TOGARAM1: variants seen among roughly 807,000 people sequenced by gnomAD.
TOGARAM1 encodes the protein TOG array regulator of axonemal microtubules protein 1.
A neutral mutation model predicts 166.6 loss-of-function variants in TOGARAM1; 100 were observed. The ratio of observed to expected loss-of-function variants is 0.60; its 90% CI spans 0.51 to 0.71. The LOEUF is 0.71. TOGARAM1 is among the 30% of genes least tolerant of loss of function. The pLI is 0.00. For missense variants in TOGARAM1, 2,029 were observed against 2,102.7 expected (o/e 0.96, Z 0.69); for synonymous variants, 758 against 763.8 (o/e 0.99, Z 0.13).
At chr14:44,970,942 A>G (rs1238271539) in intron 1 of TOGARAM1, among the ~76,000 whole-genome samples, 2 of 152,064 alleles carry the variant, frequency 1.3e-5, no homozygotes, top group African/African-American at 4.8e-5. Context: ...ATTTACTAAT[A>G]TTTTGTTGAG....
intron 16 of TOGARAM1, among the ~76,000 whole-genome samples, chr14:45,058,730 C>T (rs1882765942): frequency 6.6e-6 from 1 of 152,092 alleles, no homozygotes. Context: ...GAGCATTTAA[C>T]CCATTTGCAT....
At position 44,963,150 on chromosome 14, in the gene TOGARAM1, T is replaced by G; in HGVS notation, c.729T>G (p.Thr243=). 1.2e-6 allele frequency: 2 copies of G among 1,614,206 alleles called. No individual in the cohort carries two copies. ...STALLLPILL[T]TEDLLLGLDL... is the part of the protein sequence containing the mutation. ...CACTACTGCTTCCCATCTTGCTTACTACTGAGGACTTGTTGCTTGGTCTGG... is the reference window on the plus strand; with the variant it reads ...CACTACTGCTTCCCATCTTGCTTACGACTGAGGACTTGTTGCTTGGTCTGG... Residue 243 remains threonine, a synonymous_variant, in exon 1 of 20, where the codon ACT becomes ACG. Transcript: ENST00000361462.
rs1302227773 is a variant in TOGARAM1, at chr14:45,073,702, A to G, written c.*141A>G. 5.5e-6 allele frequency: 4 copies of G among 725,384 alleles called. No homozygotes were observed. The highest frequency in any genetic ancestry group is 8.9e-6 in the Non-Finnish European group (4 of 450,526). 44.9% of individuals were successfully genotyped at this position (725,384 alleles called of 1,614,324 possible). On this transcript the variant is annotated 3_prime_UTR_variant, in exon 20 of 20. Coordinates refer to ENST00000361462, the MANE Select transcript of TOGARAM1 (RefSeq NM_001308120.2). ...CTATTTTTATTTGCAGCCTATGAGT[A>G]CACATCTGTCCTATATCAACCTTAC...
At chr14:44,985,552 G>C (rs1008840133) in intron 1 of TOGARAM1, among the ~76,000 whole-genome samples, 2 of 152,206 alleles carry the variant, frequency 1.3e-5, no homozygotes, top group East Asian at 1.9e-4. Context: ...TGCATATGCA[G>C]TTCACAATAG....
rs1885198572 is a variant in TOGARAM1 at position 44,962,427 on chromosome 14, GGCT to G, written c.9_11del (p.Ala4del). On this transcript the variant is annotated inframe_deletion, in exon 1 of 20. Coordinates refer to ENST00000361462, the MANE Select transcript of TOGARAM1 (RefSeq NM_001308120.2). Reference sequence around the variant, plus strand: ...CCACCACCTGACAACCCTGCATGGCGGCTGCCCCCTCCGCGCTGCTTCTGCTGC... The same window carrying G: ...CCACCACCTGACAACCCTGCATGGCGGCCCCCTCCGCGCTGCTTCTGCTGC... The G allele has an allele frequency of 3.8e-6, 6 of 1,558,718 alleles. No individual in the cohort carries two copies. Among genetic ancestry groups the G allele is most frequent in the Non-Finnish European group, 5.2e-6 (6 of 1,154,496 alleles).
At position 44,963,964 on chromosome 14, in the gene TOGARAM1, C is replaced by A; in HGVS notation, c.1543C>A (p.Leu515Ile). ...TGACTTGCCCAAACTGTCCTTTGAT[C>A]TTGCCCCAGCTCTTGTAGATAGCAA... ...DFDLPKLSFDLAPALVDSKRR... is the reference protein window; with the variant it reads ...DFDLPKLSFDIAPALVDSKRR... The change falls in exon 1 of 20, where the codon CTT becomes ATT. Residue 515 changes from leucine (L) to isoleucine (I), a missense_variant. Physicochemically the swap from Leu to Ile is conservative, Grantham distance 5 (BLOSUM62 2). Coordinates refer to ENST00000361462, the MANE Select transcript of TOGARAM1 (RefSeq NM_001308120.2). The A allele has an allele frequency of 6.2e-7, 1 of 1,614,174 alleles. No homozygotes were observed. Among genetic ancestry groups the A allele is most frequent in the Non-Finnish European group, 8.5e-7 (1 of 1,180,032 alleles).
chr14:45,067,678 T>A (rs1187159010), intron 17 of TOGARAM1, among the ~76,000 whole-genome samples: 1 of 152,130 alleles, frequency 6.6e-6, no homozygotes, highest in Admixed American at 6.5e-5. Context: ...TACCATGTCA[T>A]GGGAGCCAGA....
At position 44,963,690 on chromosome 14, in the gene TOGARAM1, T is replaced by C; in HGVS notation, c.1269T>C (p.Ile423=). 6.2e-7 allele frequency: 1 copy of C among 1,613,828 alleles called. No homozygotes were observed. Among genetic ancestry groups the C allele is most frequent in the Non-Finnish European group, 8.5e-7 (1 of 1,180,040 alleles). Residue 423 remains isoleucine (I), a synonymous_variant, in exon 1 of 20, where the codon ATT becomes ATC. Coordinates refer to ENST00000361462, the MANE Select transcript of TOGARAM1 (RefSeq NM_001308120.2). ...GTLEVLHLLV[I]RLGEQVQQFL... ...TTGAAGTCCTGCATTTACTGGTTAT[T>C]CGCCTTGGAGAGCAGGTACAGCAGT...
At chr14:45,017,756 G>A (rs548344769) in intron 7 of TOGARAM1, among the ~76,000 whole-genome samples, 1 of 152,226 alleles carries the variant, frequency 6.6e-6, no homozygotes, top group Admixed American at 6.5e-5. Flanking sequence ...GTGGTGGCAG[G>A]CACCTGTAAT....
intron 1 of TOGARAM1, among the ~76,000 whole-genome samples, chr14:44,983,953 A>G (rs1451712027): frequency 2.6e-5 from 4 of 152,340 alleles, no homozygotes; most frequent in Admixed American, 2.0e-4. Flanking sequence ...TGTAGAAGCT[A>G]CTACCGGTAT....
At chr14:45,045,541 GTGT>G (rs1881949106) in intron 13 of TOGARAM1, among the ~76,000 whole-genome samples, 1 of 50,370 alleles carries the variant, frequency 2.0e-5, no homozygotes. Flanking sequence ...TGGTCTGTGT[GTGT>G]ATATATATAT....
intron 18 of TOGARAM1, among the ~76,000 whole-genome samples, chr14:45,071,372 T>C (rs1883373561): frequency 6.6e-6 from 1 of 151,906 alleles, no homozygotes; most frequent in South Asian, 2.1e-4. Context: ...TTTAAGAATA[T>C]TACTCTGTTA....
intron 18 of TOGARAM1, among the ~76,000 whole-genome samples, chr14:45,071,134 A>T (rs907796885): frequency 6.6e-6 from 1 of 151,956 alleles, no homozygotes; most frequent in Non-Finnish European, 1.5e-5. Context: ...GCTGGCCAGG[A>T]TGGTCTCAAA....
chr14:44,963,497 T>A lies in TOGARAM1; in HGVS notation c.1076T>A (p.Leu359Ter). 1 of 1,614,166 alleles carries A rather than the reference T, an allele frequency of 6.2e-7. No individual in the cohort carries two copies. The highest frequency in any genetic ancestry group is 2.2e-5 in the East Asian group (1 of 44,878). ...GIIPQELHSRLLDQEDYKNRT... is the reference protein window; with the variant it reads ...GIIPQELHSR ...ATTCCTCAGGAGCTGCATTCACGAT[T>A]ATTGGATCAGGAAGACTATAAGAAC... The change falls in exon 1 of 20, where the codon TTA becomes TAA. Residue 359 changes from leucine (L) to a stop codon, truncating the protein, a stop_gained. Coordinates refer to ENST00000361462, the MANE Select transcript of TOGARAM1 (RefSeq NM_001308120.2). LOFTEE classifies it high-confidence loss of function.
At chr14:45,016,391 G>GA (rs902962814) in intron 7 of TOGARAM1, among the ~76,000 whole-genome samples, 6 of 152,120 alleles carry the variant, frequency 3.9e-5, no homozygotes, top group Admixed American at 2.6e-4. Flanking sequence ...TGTCTTAAAA[G>GA]AAAAAAGAAG....
intron 6 of TOGARAM1, 80 bp downstream of exon 6, chr14:45,009,225 C>A: frequency 9.7e-7 from 1 of 1,032,816 alleles, no homozygotes; most frequent in Non-Finnish European, 1.4e-6. Context: ...TTTGTAAAAA[C>A]TTAAAACCAT....
At chr14:44,992,299 G>A (rs151187536) in intron 1 of TOGARAM1, among the ~76,000 whole-genome samples, 161 of 152,122 alleles carry the variant, frequency 1.1e-3, no homozygotes, top group African/African-American at 3.8e-3. Context: ...AGGTAACTGT[G>A]GTTAATGGGA....
At chr14:45,053,164 G>A (rs187483489) in intron 15 of TOGARAM1, among the ~76,000 whole-genome samples, 40 of 151,024 alleles carry the variant, frequency 2.6e-4, no homozygotes, top group African/African-American at 9.0e-4. Flanking sequence ...TCAGCCTCTC[G>A]AGTAGCTGGG....
chr14:45,052,352 T>C, intron 14 of TOGARAM1, 84 bp from the exon 15 acceptor site: 7 of 1,150,412 alleles, frequency 6.1e-6, no homozygotes, highest in Admixed American at 2.4e-5. Flanking sequence ...GTGTTTTTTT[T>C]CTATTGAAAC....
Sources: allele counts gnomAD v4.1 joint callset (sites outside exome capture counted in the v4.1 genomes callset), GRCh38; gene constraint gnomAD v4.1.1; transcripts MANE v1.5; gene names NCBI Gene and HGNC (gene_info 2026-07-23, HGNC 2026-07-21).